CD72: variants seen among roughly 807,000 people sequenced by gnomAD.
CD72 encodes the protein CD72 molecule.
CD72 carries 28 observed loss-of-function variants against 50.7 expected under a neutral mutation model. The observed-to-expected ratio is 0.55, with a 90% CI of 0.41 to 0.76. CD72 has a LOEUF of 0.76. Ranked by LOEUF, CD72 falls within the 30% of genes least tolerant of loss-of-function variation. The pLI is 0.00. For synonymous variants in CD72, 176 were observed against 171.2 expected, an observed-to-expected ratio of 1.03 and a Z score of -0.22; for missense variants, 403 against 420.6, an observed-to-expected ratio of 0.96 and a Z score of 0.37.
chr9:35,620,145 G>A (rs190517336), upstream of CD72, among the ~76,000 whole-genome samples: 2 of 152,060 alleles, frequency 1.3e-5, no homozygotes, highest in Admixed American at 1.3e-4. Context: ...TCAATTGCAG[G>A]AACATTTGCA....
chr9:35,618,881 A>G, upstream of CD72: 2 of 643,268 alleles, frequency 3.1e-6, no homozygotes, highest in South Asian at 1.7e-5. Context: ...CCAGAGGTGA[A>G]GGTAAGGAAG....
chr9:35,627,273 C>T (rs1468368134), intron 1 of CD72, among the ~76,000 whole-genome samples: 1 of 151,868 alleles, frequency 6.6e-6, no homozygotes, highest in Non-Finnish European at 1.5e-5. Context: ...TACAGGCATG[C>T]ACCACCAGGA....
Position 35,611,916 on chromosome 9 carries a change from A to G in CD72, c.838T>C (p.Ser280Pro), listed in dbSNP as rs781560643. The change falls in exon 7 of 9, where the codon TCT (serine) becomes CCT (proline). Residue 280 changes from serine (S) to proline (P), a missense_variant. Coordinates refer to ENST00000259633, the MANE Select transcript of CD72 (RefSeq NM_001782.3). ...AACAGTGAATTTAAGAAGTAGTAAG[A>G]GTGCTGAGGGGAGATTCAGAGAGAC... ...TFSEIYPQSH[S>P]YYFLNSLLPN... 1.3e-6 allele frequency: 2 copies of G among 1,500,058 alleles called. No individual in the cohort carries two copies. Among genetic ancestry groups the G allele is most frequent in the Admixed American group, 1.7e-5 (1 of 59,860 alleles). 92.9% of individuals were successfully genotyped at this position (1,500,058 alleles called of 1,614,324 possible).
At chr9:35,642,288 C>T (rs1389661068) in intron 1 of CD72, among the ~76,000 whole-genome samples, 1 of 152,224 alleles carries the variant, frequency 6.6e-6, no homozygotes. Context: ...CACAAGTGCA[C>T]AGTCGCAGCA....
At chr9:35,644,113 A>C (rs1170774155) in intron 1 of CD72, among the ~76,000 whole-genome samples, 1 of 150,846 alleles carries the variant, frequency 6.6e-6, no homozygotes, top group Non-Finnish European at 1.5e-5. Context: ...TTGGGAGGCC[A>C]AGGTGGGTGG....
At chr9:35,637,690 A>G (rs1587909159) in intron 1 of CD72, among the ~76,000 whole-genome samples, 1 of 152,086 alleles carries the variant, frequency 6.6e-6, no homozygotes, top group Admixed American at 6.5e-5. Context: ...GTGTCTAATC[A>G]CTGCGGGGAT....
Position 35,631,712 on chromosome 9 carries a change from G to A in CD72, n.409-13591C>T, listed in dbSNP as rs564580370. On this transcript the variant is annotated intron_variant and non_coding_transcript_variant, in intron 1 of 3. Transcript: ENST00000465754. ...ATCGAGATCCATCCTGGCTAACACG[G>A]TGAAACCCCGTCTCTACTAAAAATA... Among the ~76,000 whole-genome samples, 8 of 152,262 alleles carry A rather than the reference G, an allele frequency of 5.3e-5. 1 individual carries two copies. The East Asian group carries it at 1.5e-3, about 29-fold the overall frequency.
intron 1 of CD72, among the ~76,000 whole-genome samples, chr9:35,637,800 T>C (rs1312803079): frequency 1.3e-5 from 2 of 152,074 alleles, no homozygotes; most frequent in Non-Finnish European, 2.9e-5. Flanking sequence ...AAGTCAATTG[T>C]GGGGACGCCT....
chr9:35,612,747 T>C, intron 6 of CD72, 101 bp downstream of exon 6: 2 of 1,091,280 alleles, frequency 1.8e-6, no homozygotes, highest in Non-Finnish European at 2.7e-6. Context: ...GGAAAAGGAA[T>C]GGCCACCCCA....
chr9:35,611,534 A>T (rs1223304772), intron 7 of CD72, among the ~76,000 whole-genome samples: 1 of 152,180 alleles, frequency 6.6e-6, no homozygotes, highest in Non-Finnish European at 1.5e-5. Flanking sequence ...TAAATCCTTA[A>T]TGTCTCCCCC....
At chr9:35,610,929 A>G (rs1245523663) in intron 7 of CD72, among the ~76,000 whole-genome samples, 176 bp from the exon 8 acceptor site, 1 of 152,184 alleles carries the variant, frequency 6.6e-6, no homozygotes, top group East Asian at 1.9e-4. Flanking sequence ...TAGAACCAGC[A>G]GAGGGAAAAA....
At chr9:35,611,660 A>T in intron 7 of CD72, 144 bp downstream of exon 7, 1 of 588,110 alleles carries the variant, frequency 1.7e-6, no homozygotes, top group Non-Finnish European at 3.0e-6. Context: ...TATTAATCAA[A>T]TAGAGGAAAC....
chr9:35,622,797 AT>A (rs1194691884), upstream of CD72, among the ~76,000 whole-genome samples: 6 of 149,798 alleles, frequency 4.0e-5, no homozygotes, highest in Non-Finnish European at 5.9e-5. Flanking sequence ...AAAAAAAATA[AT>A]AATAATAATA....
At chr9:35,641,724 T>C (rs1458984331) in intron 1 of CD72, among the ~76,000 whole-genome samples, 1 of 152,148 alleles carries the variant, frequency 6.6e-6, no homozygotes, top group Non-Finnish European at 1.5e-5. Context: ...GGTCCTGCCT[T>C]GTGGCTCTTT....
chr9:35,636,839 G>A (rs897419416), intron 1 of CD72, among the ~76,000 whole-genome samples: 6 of 152,170 alleles, frequency 3.9e-5, no homozygotes, highest in Admixed American at 6.5e-5. Context: ...CTGAGCCCAA[G>A]AAAAGCCATT....
upstream of CD72, chr9:35,618,792 T>A (rs1050251761): frequency 7.8e-7 from 1 of 1,286,644 alleles, no homozygotes; most frequent in Non-Finnish European, 1.0e-6. Flanking sequence ...CCCATGAGAC[T>A]GGGGGTTCCT....
At chr9:35,611,194 T>A (rs953257705) in intron 7 of CD72, among the ~76,000 whole-genome samples, 2 of 148,812 alleles carry the variant, frequency 1.3e-5, no homozygotes, top group Non-Finnish European at 3.0e-5. Flanking sequence ...GAGCTTGCAG[T>A]GAGCTGAGAT....
chr9:35,633,695 C>T (rs923258277), intron 1 of CD72, among the ~76,000 whole-genome samples: 1 of 152,154 alleles, frequency 6.6e-6, no homozygotes, highest in Non-Finnish European at 1.5e-5. Context: ...CTCCCACCTC[C>T]CCCAGCCCGT....
intron 1 of CD72, among the ~76,000 whole-genome samples, chr9:35,630,036 C>CTTTTTTTT (rs35481553): frequency 1.2e-4 from 16 of 128,946 alleles, no homozygotes; most frequent in South Asian, 2.3e-4. Flanking sequence ...AATTTCTTTT[C>CTTTTTTTT]TTTTTTTTTT....
Sources: gnomAD v4.1 joint callset for allele counts (sites outside exome capture counted in the v4.1 genomes callset) on GRCh38, gnomAD v4.1.1 for gene constraint, MANE v1.5 for transcripts, NCBI Gene and HGNC (gene_info 2026-07-23, HGNC 2026-07-21) for gene names.